The following CNTN4 variants were observed in gnomAD, a reference collection of about 807,000 sequenced individuals.
CNTN4 encodes contactin 4.
Under a neutral mutation model 122.5 loss-of-function variants are expected in CNTN4, and 77 were observed. The ratio of observed to expected loss-of-function variants is 0.63; its 90% confidence interval spans 0.52 to 0.76. CNTN4 has a LOEUF of 0.76. Among genes scored for constraint, CNTN4 ranks in the 30% least tolerant of loss-of-function variants. The pLI is 0.00. For synonymous variants in CNTN4, 512 were observed against 447.0 expected (o/e 1.15, Z -1.83); for missense variants, 1,256 against 1,259.1 (o/e 1.00, Z 0.04).
At chr3:2,606,433 T>C (rs2081263772) in intron 4 of CNTN4, among the ~76,000 whole-genome samples, 1 of 152,002 alleles carries the variant, frequency 6.6e-6, no homozygotes, top group Non-Finnish European at 1.5e-5. Context: ...AGCAAACCAT[T>C]ATGGCACACG....
chr3:2,993,163 C>G (rs984404706), intron 14 of CNTN4, among the ~76,000 whole-genome samples: 1 of 152,088 alleles, frequency 6.6e-6, no homozygotes, highest in Non-Finnish European at 1.5e-5. Context: ...GGGCATGAAA[C>G]TTTTATGAAA....
chr3:2,330,960 A>G (rs899217138), intron 2 of CNTN4, among the ~76,000 whole-genome samples: 7 of 152,198 alleles, frequency 4.6e-5, no homozygotes, highest in African/African-American at 1.4e-4. Flanking sequence ...AATGTGACAC[A>G]TTAAACAGTT....
chr3:2,865,560 G>T, intron 7 of CNTN4, among the ~76,000 whole-genome samples: 1 of 152,184 alleles, frequency 6.6e-6, no homozygotes, highest in East Asian at 1.9e-4. Flanking sequence ...GCATTTAGTT[G>T]TTCCCTTACC....
At chr3:2,917,898 A>C (rs1253813707) in intron 12 of CNTN4, among the ~76,000 whole-genome samples, 1 of 119,216 alleles carries the variant, frequency 8.4e-6, no homozygotes, top group Admixed American at 8.7e-5. Flanking sequence ...TCTATCAGTC[A>C]TGTGAGGCAT....
intron 3 of CNTN4, among the ~76,000 whole-genome samples, chr3:2,512,061 C>A (rs1364285054): frequency 6.6e-6 from 1 of 152,092 alleles, no homozygotes; most frequent in Non-Finnish European, 1.5e-5. Flanking sequence ...AAGAGATAAT[C>A]TTTATATGCA....
chr3:2,217,548 G>A (rs2038896675), intron 2 of CNTN4, among the ~76,000 whole-genome samples: 1 of 152,162 alleles, frequency 6.6e-6, no homozygotes, highest in Non-Finnish European at 1.5e-5. Flanking sequence ...ACTTTCAGGA[G>A]TACAAGATAT....
intron 12 of CNTN4, among the ~76,000 whole-genome samples, chr3:2,905,488 G>A (rs1191714480): frequency 6.6e-6 from 1 of 152,128 alleles, no homozygotes; most frequent in Non-Finnish European, 1.5e-5. Flanking sequence ...CCATTCATAA[G>A]GTGCTTCACC....
chr3:2,431,892 A>G (rs1478587373), intron 3 of CNTN4, among the ~76,000 whole-genome samples: 1 of 151,666 alleles, frequency 6.6e-6, no homozygotes, highest in Non-Finnish European at 1.5e-5. Flanking sequence ...CAATTGAAAC[A>G]CTAAAGAGAG....
intron 2 of CNTN4, among the ~76,000 whole-genome samples, chr3:2,316,024 A>G (rs778236627): frequency 6.6e-6 from 1 of 151,982 alleles, no homozygotes; most frequent in Non-Finnish European, 1.5e-5. Context: ...TTATATTGTT[A>G]CCGTTTCTTC....
chr3:2,552,001 T>G (rs968297234), intron 3 of CNTN4, among the ~76,000 whole-genome samples: 4 of 152,186 alleles, frequency 2.6e-5, no homozygotes, highest in African/African-American at 9.6e-5. Flanking sequence ...ACCTTTTCTT[T>G]CTTTTCATGA....
At chr3:2,623,799 T>A (rs1230032071) in intron 4 of CNTN4, among the ~76,000 whole-genome samples, 1 of 152,104 alleles carries the variant, frequency 6.6e-6, no homozygotes, top group Non-Finnish European at 1.5e-5. Flanking sequence ...GTCCCCTGAC[T>A]AGGAAATCCA....
chr3:2,687,189 A>G (rs1025723489), intron 4 of CNTN4, among the ~76,000 whole-genome samples: 6 of 25,032 alleles, frequency 2.4e-4, no homozygotes, highest in Admixed American at 4.8e-4. Context: ...CGTTGGTGAT[A>G]TAAAAAGAGT....
At chr3:2,485,265 C>T (rs114187165) in intron 3 of CNTN4, among the ~76,000 whole-genome samples, 349 of 152,352 alleles carry the variant, frequency 2.3e-3, no homozygotes, top group African/African-American at 7.8e-3. Context: ...TGCCCGGTCC[C>T]ATCGACTGCC....
chr3:2,211,445 T>C (rs2038611465), intron 2 of CNTN4, among the ~76,000 whole-genome samples: 1 of 152,208 alleles, frequency 6.6e-6, no homozygotes, highest in Non-Finnish European at 1.5e-5. Flanking sequence ...TCCTACCGTA[T>C]GCGTTGTGTA....
chr3:2,938,475 A>G (rs1439034984), intron 13 of CNTN4, among the ~76,000 whole-genome samples: 1 of 152,166 alleles, frequency 6.6e-6, no homozygotes, highest in South Asian at 2.1e-4. Context: ...TATTTACCTT[A>G]CTTAAGGTTG....
At chr3:2,949,979 A>G (rs1401904524) in intron 13 of CNTN4, among the ~76,000 whole-genome samples, 2 of 152,228 alleles carry the variant, frequency 1.3e-5, no homozygotes, top group Non-Finnish European at 2.9e-5. Flanking sequence ...GAATAAAACA[A>G]CTTAAGAAGT....
intron 2 of CNTN4, among the ~76,000 whole-genome samples, chr3:2,280,650 C>G (rs777631902): frequency 2.6e-5 from 4 of 152,046 alleles, no homozygotes; most frequent in Non-Finnish European, 1.5e-5. Context: ...AGCAAAATAC[C>G]ACAATAAAAA....
chr3:2,890,846 G>A (rs893380313), intron 10 of CNTN4, among the ~76,000 whole-genome samples: 19 of 152,080 alleles, frequency 1.2e-4, no homozygotes, highest in African/African-American at 2.4e-4. Flanking sequence ...TAACCTGTAC[G>A]GTCTAGTTGA....
chr3:2,757,445 T>G (rs1440688892), intron 6 of CNTN4, among the ~76,000 whole-genome samples: 1 of 152,190 alleles, frequency 6.6e-6, no homozygotes, highest in Admixed American at 6.5e-5. Context: ...TCTGGCACTC[T>G]AAAGCCCTAG....
Sources: allele counts gnomAD v4.1 joint callset (sites outside exome capture counted in the v4.1 genomes callset), GRCh38; gene constraint gnomAD v4.1.1; transcripts MANE v1.5; gene names NCBI Gene and HGNC (gene_info 2026-07-23, HGNC 2026-07-21).